Variants in LRRFIP1 observed in about 807,000 individuals in gnomAD.
The protein encoded by LRRFIP1 is LRR binding FLII interacting protein 1.
A neutral mutation model predicts 104.4 loss-of-function variants in LRRFIP1; 62 were observed. The ratio of observed to expected loss-of-function variants is 0.59; its 90% CI spans 0.48 to 0.73. The LOEUF (loss-of-function observed/expected upper bound fraction) is 0.73. Among genes scored for constraint, LRRFIP1 ranks in the 30% least tolerant of loss-of-function variants. The pLI, the probability that LRRFIP1 is intolerant of heterozygous loss-of-function variation, is 0.00. For missense variants in LRRFIP1, 796 were observed against 824.5 expected, an observed-to-expected ratio of 0.97 and a Z score of 0.42; for synonymous variants, 300 against 299.0, an observed-to-expected ratio of 1.00 and a Z score of -0.03.
intron 7 of LRRFIP1, among the ~76,000 whole-genome samples, chr2:237,724,086 A>G (rs2094641190): frequency 6.6e-6 from 1 of 151,374 alleles, no homozygotes; most frequent in South Asian, 2.1e-4. Context: ...ATTCTTTGAG[A>G]AAACTCCTAA....
intron 19 of LRRFIP1, chr2:237,765,861 T>A (rs529992180): frequency 4.8e-5 from 47 of 981,916 alleles, no homozygotes; most frequent in Non-Finnish European, 5.4e-5. Context: ...TCAATAAAAT[T>A]TGAGGAAAAC....
At chr2:237,695,093 C>G (rs1175060506) in intron 1 of LRRFIP1, among the ~76,000 whole-genome samples, 1 of 152,062 alleles carries the variant, frequency 6.6e-6, no homozygotes. Flanking sequence ...GATGGTGGAG[C>G]GTGGAATCAT....
At chr2:237,749,530 AC>A (rs1162222792) in intron 13 of LRRFIP1, among the ~76,000 whole-genome samples, 1 of 151,722 alleles carries the variant, frequency 6.6e-6, no homozygotes, top group East Asian at 1.9e-4. Flanking sequence ...CTACCCACTG[AC>A]CCCCCAGCAG....
In LRRFIP1 at chr2:237,755,858, C is replaced by T. The variant is rs148953159; in HGVS notation, c.1039-237C>T. On this transcript the variant is annotated intron_variant, in intron 15 of 23. Transcript: ENST00000308482. ...CTGAGGCAGCAGAATCGCTTGAACC[C>T]AGGAGGCAGAGGTTGCAGTGAGCTG... Among the ~76,000 whole-genome samples the T allele has an allele frequency of 8.4e-3, 1,280 of 152,308 alleles. 20 individuals carry two copies. Among genetic ancestry groups the T allele is most frequent in the African/African-American group, 0.028 (1,170 of 41,582 alleles).
chr2:237,733,950 C>A, intron 9 of LRRFIP1, 132 bp downstream of exon 9: 1 of 911,608 alleles, frequency 1.1e-6, no homozygotes, highest in Non-Finnish European at 1.7e-6. Flanking sequence ...GTGGAGCTTA[C>A]ATGTGCCAGT....
chr2:237,762,381 G>A (rs1294050783), intron 19 of LRRFIP1, among the ~76,000 whole-genome samples: 1 of 152,172 alleles, frequency 6.6e-6, no homozygotes, highest in Non-Finnish European at 1.5e-5. Context: ...AGCCACTCTG[G>A]CCTTTGATGT....
chr2:237,754,860 C>CA (rs998470331), intron 15 of LRRFIP1, among the ~76,000 whole-genome samples: 1 of 152,098 alleles, frequency 6.6e-6, no homozygotes, highest in Non-Finnish European at 1.5e-5. Flanking sequence ...AGGCATCATT[C>CA]AGTGGACTGA....
rs139933380 is a variant in LRRFIP1 at position 237,644,673 on chromosome 2, T to A, written c.96+16933T>A. ...CTTTGTTTTAACTGACAACAGGATT[T>A]TCCCAGTTTTCCCACTAATGTCTCT... On this transcript the variant is annotated intron_variant, in intron 1 of 23. Transcript: ENST00000308482. Among the ~76,000 whole-genome samples the A allele has an allele frequency of 2.0e-5, 3 of 152,352 alleles. No homozygotes were observed. In the East Asian group the frequency reaches 5.8e-4, roughly 29 times the overall value.
chr2:237,751,981 A>G (rs1009448441), intron 14 of LRRFIP1, among the ~76,000 whole-genome samples: 1 of 152,222 alleles, frequency 6.6e-6, no homozygotes, highest in Non-Finnish European at 1.5e-5. Context: ...TACCTGCAAG[A>G]TCATTTGAAT....
Position 237,749,248 on chromosome 2 carries a change from G to A in LRRFIP1, c.719G>A (p.Gly240Asp). The part of the protein sequence containing the change: ...GLSAATLASL[G>D]GTSSRRGSGD... ...TCTGCAGCCACGCTGGCCTCTCTGG[G>A]TGGGACTTCCTCTCGGAGAGGCAGC... Residue 240 changes from glycine (G) to aspartate (D), a missense_variant, in exon 13 of 24, where the codon GGT (glycine) becomes GAT (aspartate). Gly to Asp is a moderately conservative substitution (Grantham distance 94, BLOSUM62 -1). Transcript: ENST00000308482. 9 of 1,613,948 alleles carry A rather than the reference G, an allele frequency of 5.6e-6. No individual in the cohort carries two copies. The highest frequency in any genetic ancestry group is 7.6e-6 in the Non-Finnish European group (9 of 1,179,994).
Sources: gnomAD v4.1 joint callset for allele counts (sites outside exome capture counted in the v4.1 genomes callset) on GRCh38, gnomAD v4.1.1 for gene constraint, MANE v1.5 for transcripts, NCBI Gene and HGNC (gene_info 2026-07-23, HGNC 2026-07-21) for gene names.